The following RARB variants were observed in gnomAD, a reference collection of about 807,000 sequenced individuals.
RARB encodes the protein HBV-activated protein.
A neutral mutation model predicts 51.9 loss-of-function variants in RARB; 17 were observed. The ratio of observed to expected loss-of-function variants is 0.33; its 90% CI spans 0.22 to 0.49. RARB has a LOEUF of 0.49. Ranked by LOEUF, RARB falls within the 20% of genes least tolerant of loss-of-function variation. The pLI, the probability that RARB is intolerant of heterozygous loss-of-function variation, is 0.99. For missense variants in RARB, 369 were observed against 550.8 expected, an observed-to-expected ratio of 0.67 and a Z score of 3.30; for synonymous variants, 215 against 195.4, an observed-to-expected ratio of 1.10 and a Z score of -0.84.
chr3:25,014,147 A>G (rs1465838594), intron 2 of RARB, among the ~76,000 whole-genome samples: 1 of 152,114 alleles, frequency 6.6e-6, no homozygotes, highest in Non-Finnish European at 1.5e-5. Context: ...ATTTTGTGGC[A>G]TATGTTTTTT....
At chr3:25,145,563 T>G (rs1016974196) in intron 4 of RARB, among the ~76,000 whole-genome samples, 1 of 152,114 alleles carries the variant, frequency 6.6e-6, no homozygotes, top group African/African-American at 2.4e-5. Flanking sequence ...GCTAAAAAAA[T>G]GAATCCTGTT....
intron 2 of RARB, among the ~76,000 whole-genome samples, chr3:25,000,374 A>G (rs1559428552): frequency 6.6e-6 from 1 of 152,272 alleles, no homozygotes; most frequent in South Asian, 2.1e-4. Flanking sequence ...AGACACTTGC[A>G]TGTACTAAAT....
At chr3:25,213,071 AT>A (rs1010527271) in intron 5 of RARB, among the ~76,000 whole-genome samples, 2 of 152,058 alleles carry the variant, frequency 1.3e-5, no homozygotes, top group South Asian at 2.1e-4. Flanking sequence ...TCACAACAGT[AT>A]TTTTTTAACT....
chr3:25,548,642 C>CAAAAAA, intron 3 of RARB, among the ~76,000 whole-genome samples: 2 of 73,582 alleles, frequency 2.7e-5, no homozygotes, highest in Non-Finnish European at 5.1e-5. Flanking sequence ...CCTCCCCCGA[C>CAAAAAA]AAAAAAAAAA....
At chr3:25,507,383 T>C (rs1325505751) in intron 3 of RARB, among the ~76,000 whole-genome samples, 1 of 152,198 alleles carries the variant, frequency 6.6e-6, no homozygotes, top group African/African-American at 2.4e-5. Flanking sequence ...GTTTATCTGC[T>C]AGGGGCCCAG....
intron 3 of RARB, among the ~76,000 whole-genome samples, chr3:25,072,869 G>A (rs1009486362): frequency 6.6e-6 from 1 of 151,680 alleles, no homozygotes; most frequent in African/African-American, 2.4e-5. Context: ...CCACCACGCC[G>A]GGCTAATTTT....
chr3:25,222,158 C>T (rs1242481354), intron 5 of RARB, among the ~76,000 whole-genome samples: 1 of 152,084 alleles, frequency 6.6e-6, no homozygotes, highest in Non-Finnish European at 1.5e-5. Context: ...GGTGTTACTC[C>T]GGAGGCAGGA....
chr3:24,907,537 A>G (rs773414154), intron 2 of RARB, among the ~76,000 whole-genome samples: 1 of 152,234 alleles, frequency 6.6e-6, no homozygotes, highest in Non-Finnish European at 1.5e-5. Context: ...ACTCCAAAGC[A>G]TCCCGTGGAT....
At chr3:25,049,907 C>A (rs1175794781) in intron 2 of RARB, among the ~76,000 whole-genome samples, 1 of 152,122 alleles carries the variant, frequency 6.6e-6, no homozygotes, top group Admixed American at 6.5e-5. Flanking sequence ...TCATGGACCT[C>A]AAAGTCTAGT....
intron 3 of RARB, among the ~76,000 whole-genome samples, chr3:25,110,824 T>C (rs1203374747): frequency 1.3e-5 from 2 of 152,214 alleles, no homozygotes; most frequent in Non-Finnish European, 2.9e-5. Context: ...AATGTTAGCT[T>C]TGCCCCAGGT....
At chr3:25,345,176 A>G (rs923606990) in intron 5 of RARB, among the ~76,000 whole-genome samples, 14 of 152,280 alleles carry the variant, frequency 9.2e-5, no homozygotes, top group Middle Eastern at 6.8e-3. Flanking sequence ...CCAAACTCAC[A>G]AAAGCTGAGT....
chr3:24,896,550 C>T (rs768439827), intron 2 of RARB, among the ~76,000 whole-genome samples: 5 of 152,124 alleles, frequency 3.3e-5, no homozygotes, highest in South Asian at 2.1e-4. Flanking sequence ...CCAGCCACCG[C>T]GCCTGGCCCT....
intron 2 of RARB, among the ~76,000 whole-genome samples, chr3:25,467,496 A>G (rs541737888): frequency 0.017 from 1,985 of 118,410 alleles, 17 homozygotes; most frequent in Non-Finnish European, 0.027. Flanking sequence ...AGAGAAGACA[A>G]TCACCATACA....
intron 5 of RARB, among the ~76,000 whole-genome samples, chr3:25,233,253 C>A (rs1379045209): frequency 6.6e-6 from 1 of 152,044 alleles, no homozygotes; most frequent in Non-Finnish European, 1.5e-5. Context: ...GCCACAGCAC[C>A]CAGCCATTAA....
intron 5 of RARB, among the ~76,000 whole-genome samples, chr3:25,186,217 G>C (rs974493246): frequency 6.6e-6 from 1 of 152,014 alleles, no homozygotes; most frequent in Non-Finnish European, 1.5e-5. Flanking sequence ...TCATATTGGT[G>C]ATACAAATCA....
intron 3 of RARB, among the ~76,000 whole-genome samples, chr3:25,502,815 CAAAG>C (rs1697384579): frequency 6.6e-6 from 1 of 152,154 alleles, no homozygotes; most frequent in Non-Finnish European, 1.5e-5. Context: ...AGCTGTAGGA[CAAAG>C]CATGCACTGT....
intron 1 of RARB, among the ~76,000 whole-genome samples, chr3:24,851,271 T>C (rs1055446005): frequency 1.6e-4 from 25 of 151,892 alleles, no homozygotes; most frequent in African/African-American, 6.0e-4. Context: ...CTACAAAATA[T>C]AAAAAGTTAG....
At chr3:25,328,995 G>C (rs1270211020) in intron 5 of RARB, among the ~76,000 whole-genome samples, 1 of 152,194 alleles carries the variant, frequency 6.6e-6, no homozygotes, top group Admixed American at 6.5e-5. Context: ...CACCATTGCT[G>C]AGGCTTGAGT....
chr3:25,512,005 G>C (rs1697918431), intron 3 of RARB, among the ~76,000 whole-genome samples: 1 of 152,172 alleles, frequency 6.6e-6, no homozygotes, highest in Admixed American at 6.5e-5. Context: ...CACTTACTTA[G>C]CTCTGTGTGA....
Sources: gnomAD v4.1 joint callset for allele counts (sites outside exome capture counted in the v4.1 genomes callset) on GRCh38, gnomAD v4.1.1 for gene constraint, MANE v1.5 for transcripts, NCBI Gene and HGNC (gene_info 2026-07-23, HGNC 2026-07-21) for gene names.